The following CFAP77 variants were observed in gnomAD, a reference collection of about 807,000 sequenced individuals.
The protein encoded by CFAP77 is cilia- and flagella-associated protein 77.
CFAP77 carries 25 observed loss-of-function variants against 31.1 expected under a neutral mutation model. The observed-to-expected ratio is 0.80, with a 90% CI of 0.59 to 1.12. The LOEUF (loss-of-function observed/expected upper bound fraction) is 1.12, where lower values mean the gene tolerates loss of function less well. Among genes scored for constraint, CFAP77 ranks in the 50% most tolerant of loss-of-function variants. The probability of loss-of-function intolerance (pLI) is 0.00; values close to 1 mark genes in which losing one functional copy is unlikely to be tolerated. For missense variants in CFAP77, 377 were observed against 397.3 expected (o/e 0.95, Z 0.44); for synonymous variants, 151 against 159.9 (o/e 0.94, Z 0.42).
At chr9:132,525,404 A>T (rs183378680) in intron 3 of CFAP77, among the ~76,000 whole-genome samples, 202 of 148,160 alleles carry the variant, frequency 1.4e-3, no homozygotes, top group African/African-American at 5.1e-3. Context: ...GATTGCATTT[A>T]AAAAAAATTT....
chr9:132,474,636 C>T (rs558447779), intron 1 of CFAP77, among the ~76,000 whole-genome samples: 38 of 152,196 alleles, frequency 2.5e-4, no homozygotes, highest in African/African-American at 7.9e-4. Flanking sequence ...CCACTCAGTT[C>T]GGGTGGCGGC....
chr9:132,555,864 G>C (rs892983957), intron 5 of CFAP77, among the ~76,000 whole-genome samples: 7 of 152,200 alleles, frequency 4.6e-5, no homozygotes, highest in Admixed American at 2.0e-4. Context: ...ATATAGACCT[G>C]AGATCTGGCA....
At chr9:132,529,597 C>A (rs935279560) in intron 3 of CFAP77, among the ~76,000 whole-genome samples, 13 of 151,204 alleles carry the variant, frequency 8.6e-5, no homozygotes, top group African/African-American at 3.2e-4. Context: ...GAGGCCGAGG[C>A]GGACGGATCA....
intron 3 of CFAP77, among the ~76,000 whole-genome samples, chr9:132,519,548 A>G (rs1393416973): frequency 2.4e-4 from 19 of 79,708 alleles, no homozygotes; most frequent in South Asian, 1.0e-3. Flanking sequence ...GGGTGGGTAG[A>G]TGGATGAATG....
chr9:132,545,574 G>A lies in CFAP77; in HGVS notation c.732+2527G>A, dbSNP rs1173929281. 6.6e-6 allele frequency among the ~76,000 whole-genome samples: 1 copy of A among 152,226 alleles called. No homozygotes were observed. The highest frequency in any genetic ancestry group is 1.5e-5 in the Non-Finnish European group (1 of 68,044). ...TACTTGCCAGAAACCTGGGGCCAAG[G>A]GAAATGGGGAATTGTGCCGGGTTCA... On this transcript the variant is annotated intron_variant, in intron 5 of 5. Coordinates refer to ENST00000393216, the MANE Select transcript of CFAP77 (RefSeq NM_001282957.2). This position sits in a 1 kb window ranked among gnomAD's most constrained non-coding sequence, Gnocchi z 4.6.
intron 5 of CFAP77, among the ~76,000 whole-genome samples, chr9:132,558,511 C>A (rs1331432848): frequency 6.6e-6 from 1 of 152,010 alleles, no homozygotes; most frequent in African/African-American, 2.4e-5. Flanking sequence ...TCAAGACTAG[C>A]CTGGCCAACG....
At chr9:132,418,515 C>T (rs1179240213) in intron 1 of CFAP77, among the ~76,000 whole-genome samples, 1 of 152,194 alleles carries the variant, frequency 6.6e-6, no homozygotes, top group East Asian at 1.9e-4. Context: ...TGCTTCTCTA[C>T]CCATTGTTTG....
intron 1 of CFAP77, among the ~76,000 whole-genome samples, chr9:132,418,832 G>T (rs1265038248): frequency 6.6e-6 from 1 of 152,158 alleles, no homozygotes; most frequent in Non-Finnish European, 1.5e-5. Context: ...TGTTTGGTTT[G>T]GTTTTGTTTT....
chr9:132,465,475 T>C (rs115649269), intron 1 of CFAP77, among the ~76,000 whole-genome samples: 2,500 of 152,244 alleles, frequency 0.016, 74 homozygotes, highest in African/African-American at 0.057. Context: ...ATGTGGGCCT[T>C]TGATCTATGT....
At chr9:132,556,760 AC>A (rs1852912175) in intron 5 of CFAP77, among the ~76,000 whole-genome samples, 2 of 152,220 alleles carry the variant, frequency 1.3e-5, no homozygotes, top group Non-Finnish European at 2.9e-5. Context: ...CTGTCAGGGA[AC>A]TGAGGCAAAT....
At position 132,478,664 on chromosome 9, in the gene CFAP77, C is replaced by G. The variant is rs552069281; in HGVS notation, c.196-20031C>G. Among the ~76,000 whole-genome samples, 4 of 152,254 alleles carry G rather than the reference C, an allele frequency of 2.6e-5. No individual in the cohort carries two copies. In the East Asian group the frequency reaches 7.7e-4, roughly 29 times the overall value. Reference sequence around the variant, plus strand: ...GGGGCCCGGCGTGGGCTGGAGGTGACGAGGAGGGGACTCAGAATCTAATGA... The same window carrying G: ...GGGGCCCGGCGTGGGCTGGAGGTGAGGAGGAGGGGACTCAGAATCTAATGA... On this transcript the variant is annotated intron_variant, in intron 1 of 5. Transcript: ENST00000393216.
intron 5 of CFAP77, among the ~76,000 whole-genome samples, chr9:132,561,987 A>G (rs1829818797): frequency 1.3e-5 from 2 of 152,298 alleles, no homozygotes; most frequent in African/African-American, 2.4e-5. Flanking sequence ...TGCGTCTTGG[A>G]TATTTTCTCA....
intron 3 of CFAP77, among the ~76,000 whole-genome samples, chr9:132,534,650 T>C (rs1852516110): frequency 6.7e-6 from 1 of 150,050 alleles, no homozygotes; most frequent in Non-Finnish European, 1.5e-5. Context: ...CCTTATCGCC[T>C]ATTTGATTAC....
At chr9:132,530,997 T>C (rs750794170) in intron 3 of CFAP77, among the ~76,000 whole-genome samples, 3 of 152,244 alleles carry the variant, frequency 2.0e-5, no homozygotes, top group Non-Finnish European at 4.4e-5. Flanking sequence ...CTTTGTTGTT[T>C]ATTTTGTCCA....
chr9:132,531,878 G>A (rs1465659447), intron 3 of CFAP77, among the ~76,000 whole-genome samples: 3 of 152,182 alleles, frequency 2.0e-5, no homozygotes, highest in Non-Finnish European at 4.4e-5. Flanking sequence ...AGCTAGACAT[G>A]AGGATGTCAG....
Position 132,545,667 on chromosome 9 carries a change from G to A in CFAP77, c.732+2620G>A, listed in dbSNP as rs1852718530. Among the ~76,000 whole-genome samples, 1 of 152,190 alleles carries A rather than the reference G, an allele frequency of 6.6e-6. No individual in the cohort carries two copies. The highest frequency in any genetic ancestry group is 6.5e-5 in the Admixed American group (1 of 15,284). On this transcript the variant is annotated intron_variant, in intron 5 of 5. Transcript: ENST00000393216. The surrounding 1 kb of genome is among the most constrained non-coding windows in gnomAD (Gnocchi z 4.6). ...CACACAGAGTGCTGCCGTTATGGGT[G>A]TCACACGCAGTCGCCTCCTTGTCAG...
At position 132,480,488 on chromosome 9, in the gene CFAP77, G is replaced by A. The variant is rs1361736716; in HGVS notation, c.196-18207G>A. On this transcript the variant is annotated intron_variant, in intron 1 of 5. Coordinates refer to ENST00000393216, the MANE Select transcript of CFAP77 (RefSeq NM_001282957.2). This position sits in a 1 kb window ranked among gnomAD's most constrained non-coding sequence, Gnocchi z 5.8. Reference sequence around the variant, plus strand: ...GGTGCTCAGTCACGTGAGCATCCCAGAGCATGTGCTGAAGACCTACTGTGT... The same window carrying A: ...GGTGCTCAGTCACGTGAGCATCCCAAAGCATGTGCTGAAGACCTACTGTGT... Among the ~76,000 whole-genome samples the A allele has an allele frequency of 1.3e-5, 2 of 152,252 alleles. No individual in the cohort carries two copies. Among genetic ancestry groups the A allele is most frequent in the African/African-American group, 4.8e-5 (2 of 41,472 alleles).
chr9:132,426,172 CTTTTA>C (rs1251728308), intron 1 of CFAP77, among the ~76,000 whole-genome samples: 1 of 152,158 alleles, frequency 6.6e-6, no homozygotes, highest in East Asian at 1.9e-4. Flanking sequence ...CCAATGTTAT[CTTTTA>C]TTTGTGTCAG....
intron 1 of CFAP77, 59 bp downstream of exon 1, chr9:132,410,525 C>A: frequency 2.8e-6 from 4 of 1,425,704 alleles, no homozygotes; most frequent in Non-Finnish European, 2.8e-6. Context: ...CCTGCGCCGC[C>A]GGGGGTCCCC....
Sources: allele counts gnomAD v4.1 joint callset (sites outside exome capture counted in the v4.1 genomes callset), GRCh38; gene constraint gnomAD v4.1.1; non-coding constraint Gnocchi (gnomAD v3.1); transcripts MANE v1.5; gene names NCBI Gene and HGNC (gene_info 2026-07-23, HGNC 2026-07-21).